Variants in CLVS2 observed in about 807,000 individuals in gnomAD.
CLVS2 encodes clavesin 2.
A neutral mutation model predicts 29.0 loss-of-function variants in CLVS2; 19 were observed. That is an observed-to-expected ratio of 0.66 (90% CI 0.46 to 0.96). The LOEUF (loss-of-function observed/expected upper bound fraction) is 0.96. Ranked by LOEUF, CLVS2 falls within the 40% of genes least tolerant of loss-of-function variation. The probability of loss-of-function intolerance (pLI) is 0.00; values close to 1 mark genes in which losing one functional copy is unlikely to be tolerated. For missense variants in CLVS2, 294 were observed against 404.1 expected (o/e 0.73, Z 2.34); for synonymous variants, 161 against 151.3 (o/e 1.06, Z -0.47).
chr6:123,062,940 G>A (rs1318947154), intron 5 of CLVS2, among the ~76,000 whole-genome samples: 3 of 152,186 alleles, frequency 2.0e-5, no homozygotes, highest in African/African-American at 7.2e-5. Flanking sequence ...TTCTCATATT[G>A]TTTCCTAATG....
chr6:123,009,297 G>A (rs1774716606), intron 2 of CLVS2, among the ~76,000 whole-genome samples: 1 of 152,048 alleles, frequency 6.6e-6, no homozygotes, highest in Non-Finnish European at 1.5e-5. Flanking sequence ...TGGCTAATGA[G>A]GTGCTGGGCA....
chr6:123,060,191 A>G (rs539902280), intron 5 of CLVS2, among the ~76,000 whole-genome samples: 1 of 152,318 alleles, frequency 6.6e-6, no homozygotes, highest in African/African-American at 2.4e-5. Context: ...GTTGTGGATA[A>G]TTCTTCTTTT....
intron 5 of CLVS2, among the ~76,000 whole-genome samples, chr6:123,058,330 A>G (rs1772725031): frequency 6.6e-6 from 1 of 152,158 alleles, no homozygotes; most frequent in South Asian, 2.1e-4. Context: ...TCAGAACTGA[A>G]CTACATAAGG....
intron 3 of CLVS2, among the ~76,000 whole-genome samples, chr6:123,030,511 T>C (rs1775068113): frequency 6.6e-6 from 1 of 152,204 alleles, no homozygotes; most frequent in South Asian, 2.1e-4. Flanking sequence ...CCTTGCTGGC[T>C]GAGCATAAAG....
chr6:123,058,400 CT>C (rs774921147), intron 5 of CLVS2, among the ~76,000 whole-genome samples: 4 of 152,152 alleles, frequency 2.6e-5, no homozygotes, highest in Non-Finnish European at 5.9e-5. Context: ...TAATGAGGCC[CT>C]TTTTCTTCAG....
At position 123,037,160 on chromosome 6, in the gene CLVS2, T is replaced by C. The variant is rs1775165572; in HGVS notation, c.565-11462T>C. On this transcript the variant is annotated intron_variant, in intron 3 of 5. Transcript: ENST00000275162. ...CTTCATGTGTGTGGTCTACAGACAC[T>C]TGAAATTCACATCACTCTCTCAAAT... Among the ~76,000 whole-genome samples, 2 of 152,096 alleles carry C rather than the reference T, an allele frequency of 1.3e-5. 1 individual carries two copies. Among genetic ancestry groups the C allele is most frequent in the South Asian group, 4.1e-4 (2 of 4,824 alleles).
intron 3 of CLVS2, among the ~76,000 whole-genome samples, chr6:123,017,052 T>C (rs888072362): frequency 6.6e-6 from 1 of 151,646 alleles, no homozygotes; most frequent in African/African-American, 2.4e-5. Flanking sequence ...TCCTACCTAT[T>C]TGTAATTTCT....
chr6:123,018,471 T>C lies in CLVS2; in HGVS notation c.564+7312T>C, dbSNP rs574301731. Among the ~76,000 whole-genome samples, 296 of 152,152 alleles carry C rather than the reference T, an allele frequency of 1.9e-3. 2 individuals carry two copies. The highest frequency in any genetic ancestry group is 6.6e-3 in the African/African-American group (276 of 41,556). ...TTTCATTTTTATAAATTTTATCTCA[T>C]GAACACTTAATTAAAATCTTTCAAG... is the stretch of plus-strand genomic sequence containing the variant. On this transcript the variant is annotated intron_variant, in intron 3 of 5. Transcript: ENST00000275162.
intron 4 of CLVS2, among the ~76,000 whole-genome samples, chr6:123,049,718 T>G (rs1772574678): frequency 6.8e-6 from 1 of 148,050 alleles, no homozygotes; most frequent in African/African-American, 2.5e-5. Flanking sequence ...GCACTTCAGG[T>G]AGAAGCTTTA....
At chr6:123,045,739 C>T (rs897631585) in intron 3 of CLVS2, among the ~76,000 whole-genome samples, 2 of 152,076 alleles carry the variant, frequency 1.3e-5, no homozygotes, top group African/African-American at 2.4e-5. Flanking sequence ...AAGGAGCTCA[C>T]GGTTTAATAG....
intron 3 of CLVS2, among the ~76,000 whole-genome samples, chr6:123,034,402 T>C (rs563009169): frequency 5.9e-5 from 9 of 152,248 alleles, no homozygotes; most frequent in South Asian, 2.1e-4. Flanking sequence ...AAAAAAGCTA[T>C]TGATACACAC....
At chr6:123,033,473 T>C (rs1775110539) in intron 3 of CLVS2, among the ~76,000 whole-genome samples, 1 of 152,060 alleles carries the variant, frequency 6.6e-6, no homozygotes, top group Non-Finnish European at 1.5e-5. Context: ...ATATAGCTTT[T>C]CAACAAATGT....
chr6:123,047,321 T>C (rs951606397), intron 3 of CLVS2, among the ~76,000 whole-genome samples: 1 of 152,102 alleles, frequency 6.6e-6, no homozygotes, highest in African/African-American at 2.4e-5. Context: ...TTCATTATTA[T>C]AATAACCTCT....
chr6:123,060,734 A>G (rs1198323712), intron 5 of CLVS2, among the ~76,000 whole-genome samples: 1 of 152,240 alleles, frequency 6.6e-6, no homozygotes, highest in East Asian at 1.9e-4. Context: ...TCTGATACTC[A>G]TTATAACTTT....
intron 5 of CLVS2, among the ~76,000 whole-genome samples, chr6:123,058,983 A>C (rs1269271021): frequency 6.6e-6 from 1 of 152,004 alleles, no homozygotes; most frequent in Non-Finnish European, 1.5e-5. Flanking sequence ...AATGACTGCT[A>C]TTTATACAAT....
chr6:123,006,625 T>C (rs1258816664), intron 2 of CLVS2, among the ~76,000 whole-genome samples: 4 of 152,090 alleles, frequency 2.6e-5, no homozygotes, highest in African/African-American at 9.7e-5. Flanking sequence ...AAGGGAATAT[T>C]TGAGAATGAT....
rs78218466 is a variant in CLVS2, at chr6:123,070,570, C to G, written c.*6809C>G. The G allele has an allele frequency of 6.6e-6, 1 of 151,948 alleles. No homozygotes were observed. The highest frequency in any genetic ancestry group is 1.5e-5 in the Non-Finnish European group (1 of 67,936). 9.4% of individuals were successfully genotyped at this position (151,948 alleles called of 1,614,324 possible). Reference sequence around the variant, plus strand: ...AACTCAGACCATTTTGTTCTCCAAACCCTCTGAAAGAGTAAAAGCCGATGT... The same window carrying G: ...AACTCAGACCATTTTGTTCTCCAAAGCCTCTGAAAGAGTAAAAGCCGATGT... On this transcript the variant is annotated 3_prime_UTR_variant, in exon 6 of 6. Coordinates refer to ENST00000275162, the MANE Select transcript of CLVS2 (RefSeq NM_001010852.4).
At chr6:123,014,922 T>C (rs1396846215) in intron 3 of CLVS2, among the ~76,000 whole-genome samples, 1 of 152,086 alleles carries the variant, frequency 6.6e-6, no homozygotes, top group Non-Finnish European at 1.5e-5. Context: ...AAGCAAAGAA[T>C]GAGATTGTTT....
chr6:123,014,227 G>GGATC (rs1022075034), intron 3 of CLVS2, among the ~76,000 whole-genome samples: 5 of 151,988 alleles, frequency 3.3e-5, no homozygotes, highest in Non-Finnish European at 7.4e-5. Flanking sequence ...GATCCCTGAG[G>GGATC]GATCACCACA....
Sources: allele counts gnomAD v4.1 joint callset (sites outside exome capture counted in the v4.1 genomes callset), GRCh38; gene constraint gnomAD v4.1.1; transcripts MANE v1.5; gene names NCBI Gene and HGNC (gene_info 2026-07-23, HGNC 2026-07-21).